ADAMTS6: variants seen among roughly 807,000 people sequenced by gnomAD.
ADAMTS6 encodes the protein ADAM metallopeptidase with thrombospondin type 1 motif 6.
In ADAMTS6, 23 loss-of-function variants were observed where a neutral mutation model predicts 144.3. That is an observed-to-expected ratio of 0.16 (90% CI 0.11 to 0.23). The LOEUF is 0.23. Ranked by LOEUF, ADAMTS6 falls within the 10% of genes least tolerant of loss-of-function variation. The pLI, the probability that ADAMTS6 is intolerant of heterozygous loss-of-function variation, is 1.00. For synonymous variants in ADAMTS6, 444 were observed against 457.5 expected (o/e 0.97, Z 0.38); for missense variants, 999 against 1,379.6 (o/e 0.72, Z 4.37).
chr5:65,202,639 T>C (rs1755808122), intron 20 of ADAMTS6, among the ~76,000 whole-genome samples: 2 of 152,194 alleles, frequency 1.3e-5, no homozygotes, highest in South Asian at 2.1e-4. Flanking sequence ...TTTTAGTTTA[T>C]AGTTTCCCCA....
chr5:65,198,087 A>G (rs1755503987), intron 20 of ADAMTS6, among the ~76,000 whole-genome samples: 1 of 152,224 alleles, frequency 6.6e-6, no homozygotes, highest in African/African-American at 2.4e-5. Flanking sequence ...AAGATATCAA[A>G]GAGAAACACG....
chr5:65,283,807 AC>A (rs1763163883), intron 11 of ADAMTS6, among the ~76,000 whole-genome samples: 1 of 152,048 alleles, frequency 6.6e-6, no homozygotes, highest in Admixed American at 6.6e-5. Flanking sequence ...CTAATCTACA[AC>A]CTTCCAGCTG....
Position 65,408,913 on chromosome 5 carries a change from G to A in ADAMTS6, c.1073+42562C>T, listed in dbSNP as rs1473121602. Among the ~76,000 whole-genome samples the A allele has an allele frequency of 4.6e-5, 7 of 152,078 alleles. No individual in the cohort carries two copies. The South Asian group carries it at 1.0e-3, about 23-fold the overall frequency. ...CCTGAATGACTACTGGGTACATAAC[G>A]AAATGAAGGCAGAAATAAAGATGTT... On this transcript the variant is annotated intron_variant, in intron 7 of 24. Transcript: ENST00000381055.
chr5:65,230,100 C>T (rs1409987079), intron 15 of ADAMTS6, among the ~76,000 whole-genome samples: 1 of 151,510 alleles, frequency 6.6e-6, no homozygotes, highest in African/African-American at 2.4e-5. Flanking sequence ...GATAGCTACA[C>T]TAATTTGTGA....
intron 20 of ADAMTS6, among the ~76,000 whole-genome samples, chr5:65,209,147 A>C (rs1287952761): frequency 2.0e-5 from 3 of 152,258 alleles, no homozygotes; most frequent in Non-Finnish European, 2.9e-5. Context: ...GTCACAGTGC[A>C]TAGGTATACT....
intron 13 of ADAMTS6, among the ~76,000 whole-genome samples, chr5:65,261,572 C>G (rs1327700532): frequency 1.3e-5 from 2 of 152,104 alleles, no homozygotes; most frequent in Non-Finnish European, 2.9e-5. Flanking sequence ...TCACTGGTAT[C>G]AATGGGATCA....
At chr5:65,182,117 A>T (rs1340590479) in intron 22 of ADAMTS6, among the ~76,000 whole-genome samples, 2 of 152,106 alleles carry the variant, frequency 1.3e-5, no homozygotes, top group Non-Finnish European at 2.9e-5. Flanking sequence ...TCCCCAGGAA[A>T]CCCAAACCAA....
chr5:65,382,744 G>A (rs374077737), intron 7 of ADAMTS6, among the ~76,000 whole-genome samples: 9 of 152,176 alleles, frequency 5.9e-5, no homozygotes, highest in East Asian at 3.8e-4. Context: ...ATTTGCTTAA[G>A]TGTCACTCCT....
chr5:65,471,614 C>T (rs745434124), intron 2 of ADAMTS6, among the ~76,000 whole-genome samples: 1 of 151,904 alleles, frequency 6.6e-6, no homozygotes, highest in Non-Finnish European at 1.5e-5. Context: ...AAAAATTATC[C>T]GGGCGTTGCG....
At chr5:65,460,041 G>A in intron 4 of ADAMTS6, 129 bp downstream of exon 4, 2 of 947,238 alleles carry the variant, frequency 2.1e-6, no homozygotes, top group South Asian at 7.6e-5. Context: ...CTATTAAAAG[G>A]GCTCTGGACA....
chr5:65,213,599 C>T (rs1580075921), intron 20 of ADAMTS6, among the ~76,000 whole-genome samples: 1 of 151,236 alleles, frequency 6.6e-6, no homozygotes, highest in East Asian at 1.9e-4. Context: ...CGTGTCACTG[C>T]ACTCCAGCTT....
At chr5:65,210,139 T>C (rs1401962354) in intron 20 of ADAMTS6, 3 of 217,600 alleles carry the variant, frequency 1.4e-5, no homozygotes, top group East Asian at 1.1e-4. Flanking sequence ...GGCTTTTCAA[T>C]AGGTTTGGCA....
chr5:65,333,004 G>A (rs760797354), intron 8 of ADAMTS6, among the ~76,000 whole-genome samples: 21 of 152,188 alleles, frequency 1.4e-4, no homozygotes, highest in East Asian at 1.9e-4. Flanking sequence ...TTTAGTTTCC[G>A]AAGAGATATT....
intron 15 of ADAMTS6, among the ~76,000 whole-genome samples, chr5:65,235,726 GCCTATTGTGGGA>G (rs370343450): frequency 8.1e-4 from 124 of 152,218 alleles, no homozygotes; most frequent in African/African-American, 2.9e-3. Flanking sequence ...CCTGTAGATG[GCCTATTGTGGGA>G]CCTTGTGATC....
At chr5:65,286,205 G>C (rs1741631345) in intron 11 of ADAMTS6, among the ~76,000 whole-genome samples, 1 of 152,114 alleles carries the variant, frequency 6.6e-6, no homozygotes, top group South Asian at 2.1e-4. Context: ...AAGTTTACAA[G>C]AACAACCTGG....
At chr5:65,452,527 A>C (rs1003759103) in intron 5 of ADAMTS6, among the ~76,000 whole-genome samples, 180 bp downstream of exon 5, 2 of 152,100 alleles carry the variant, frequency 1.3e-5, no homozygotes, top group Non-Finnish European at 2.9e-5. Context: ...TTATCTAAAA[A>C]TGAATGATAA....
intron 7 of ADAMTS6, among the ~76,000 whole-genome samples, chr5:65,435,528 T>C (rs1486866326): frequency 6.6e-6 from 1 of 152,158 alleles, no homozygotes; most frequent in African/African-American, 2.4e-5. Flanking sequence ...AACTGCATTA[T>C]TGTTACATAA....
intron 10 of ADAMTS6, among the ~76,000 whole-genome samples, 177 bp from the exon 11 acceptor site, chr5:65,291,647 T>G (rs1742315408): frequency 6.6e-6 from 1 of 152,126 alleles, no homozygotes; most frequent in African/African-American, 2.4e-5. Context: ...GAATAAGAGC[T>G]CCAAATAATT....
In ADAMTS6 at chr5:65,233,429, T is replaced by C. The variant is rs1277262229; in HGVS notation, c.1934-7210A>G. ...TTTGCTGACAACATATTCTTATACATAGAAAACCCTAAAGGCTCCACCAAA... is the reference window on the plus strand; with the variant it reads ...TTTGCTGACAACATATTCTTATACACAGAAAACCCTAAAGGCTCCACCAAA... On this transcript the variant is annotated intron_variant, in intron 15 of 24. Coordinates refer to ENST00000381055, the MANE Select transcript of ADAMTS6 (RefSeq NM_197941.4). Among the ~76,000 whole-genome samples the C allele has an allele frequency of 1.4e-4, 21 of 152,002 alleles. No individual in the cohort carries two copies. In the East Asian group the frequency reaches 1.7e-3, roughly 13 times the overall value.
Sources: gnomAD v4.1 joint callset for allele counts (sites outside exome capture counted in the v4.1 genomes callset) on GRCh38, gnomAD v4.1.1 for gene constraint, MANE v1.5 for transcripts, NCBI Gene and HGNC (gene_info 2026-07-23, HGNC 2026-07-21) for gene names.